The following FADS1 variants were observed in gnomAD, a reference collection of about 807,000 sequenced individuals.
FADS1 encodes acyl-CoA (8-3)-desaturase.
In FADS1, 17 loss-of-function variants were observed where a neutral mutation model predicts 61.6. The observed-to-expected ratio is 0.28, with a 90% CI of 0.19 to 0.41. FADS1 has a LOEUF of 0.41. Ranked by LOEUF, FADS1 falls within the 10% of genes least tolerant of loss-of-function variation. The probability of loss-of-function intolerance (pLI) is 1.00; values close to 1 mark genes in which losing one functional copy is unlikely to be tolerated. For missense variants in FADS1, 387 were observed against 650.9 expected, an observed-to-expected ratio of 0.59 and a Z score of 4.41; for synonymous variants, 238 against 258.7, an observed-to-expected ratio of 0.92 and a Z score of 0.77.
At chr11:61,807,672 G>A (rs188046763) in intron 5 of FADS1, among the ~76,000 whole-genome samples, 1 of 152,318 alleles carries the variant, frequency 6.6e-6, no homozygotes, top group Non-Finnish European at 1.5e-5. Context: ...CAACCAGCCA[G>A]TCTAGAACCC....
At position 61,802,683 on chromosome 11, in the gene FADS1, A is replaced by C; in HGVS notation, c.1454+118T>G. 6.9e-7 allele frequency: 1 copy of C among 1,458,694 alleles called. No homozygotes were observed. The highest frequency in any genetic ancestry group is 9.5e-7 in the Non-Finnish European group (1 of 1,055,604). The allele number at this position is 1,458,694 out of a possible 1,614,324, so 90.4% of individuals were successfully genotyped here. On this transcript the variant is annotated intron_variant, in intron 11 of 11. Transcript: ENST00000350997. This position sits in a 1 kb window ranked among gnomAD's most constrained non-coding sequence, Gnocchi z 4.2. ...AAGAATCCTGCCTTTGCCATGGTGA[A>C]CTCCATCCCACACGACTGGGAACAC... is the stretch of plus-strand genomic sequence containing the variant.
intron 5 of FADS1, 64 bp from the exon 6 acceptor site, chr11:61,806,788 C>A: frequency 6.7e-7 from 1 of 1,497,404 alleles, no homozygotes; most frequent in Non-Finnish European, 9.3e-7. Context: ...GTGACTTGAC[C>A]TTTCCTTGCT....
intron 5 of FADS1, among the ~76,000 whole-genome samples, chr11:61,808,421 G>A (rs571762800): frequency 6.6e-6 from 1 of 152,218 alleles, no homozygotes; most frequent in South Asian, 2.1e-4. Flanking sequence ...GCCTGTTAGT[G>A]AATGCCTGGG....
chr11:61,811,180 G>A lies in FADS1; in HGVS notation c.685-105C>T, dbSNP rs1245813639. 1.0e-5 allele frequency: 8 copies of A among 781,522 alleles called. No individual in the cohort carries two copies. The East Asian group carries it at 2.0e-4, about 20-fold the overall frequency. 48.4% of individuals were successfully genotyped at this position (781,522 alleles called of 1,614,324 possible). On this transcript the variant is annotated intron_variant, in intron 3 of 11. Coordinates refer to ENST00000350997, the MANE Select transcript of FADS1 (RefSeq NM_013402.7). The stretch of plus-strand genomic sequence containing the variant: ...TCTCCCACTTCCTTCATCTGCCAAG[G>A]CCTGTGATGCACCTCAGGAGTCAGG...
Position 61,816,789 on chromosome 11 carries a change from A to T in FADS1, c.141T>A (p.Ala47=). The T allele has an allele frequency of 6.6e-7, 1 of 1,513,210 alleles. No individual in the cohort carries two copies. 93.7% of individuals were successfully genotyped at this position (1,513,210 alleles called of 1,614,324 possible). The change falls in exon 1 of 12, where the codon GCT becomes GCA. Residue 47 remains alanine, a synonymous_variant. Coordinates refer to ENST00000350997, the MANE Select transcript of FADS1 (RefSeq NM_013402.7). This position sits in a 1 kb window ranked among gnomAD's most constrained non-coding sequence, Gnocchi z 7.0. ...GCCTGGCGACGCCGCGCGCCGGGCC[A>T]GCAGGGGCTGTCAGGCGCGTGCTCG... ...RTPSTRLTAP[A]GPARGVARPA...
Position 61,810,806 on chromosome 11 carries a change from G to T in FADS1, c.860C>A (p.Pro287Gln), listed in dbSNP as rs1241231078. ...GAAGAAGGGATGCATGTTGATGTCT[G>T]GGTCTTTGCGGAAGCAGTTGGGCTT... ...HAKPNCFRKD[P>Q]DINMHPFFFA... The change falls in exon 5 of 12, where the codon CCA becomes CAA. Residue 287 changes from proline (P) to glutamine (Q), a missense_variant. This residue lies in a region of FADS1 where 257 missense variants were observed against 533.3 expected (regional missense o/e 0.48). Transcript: ENST00000350997. 6.2e-7 allele frequency: 1 copy of T among 1,614,184 alleles called. No homozygotes were observed. The highest frequency in any genetic ancestry group is 8.5e-7 in the Non-Finnish European group (1 of 1,180,032).
chr11:61,813,347 A>G lies in FADS1; in HGVS notation c.382T>C (p.Phe128Leu). 6.3e-7 allele frequency: 1 copy of G among 1,598,892 alleles called. No homozygotes were observed. Among genetic ancestry groups the G allele is most frequent in the South Asian group, 1.1e-5 (1 of 90,638 alleles). The change falls in exon 2 of 12, where the codon TTT becomes CTT. Residue 128 changes from phenylalanine to leucine, a missense_variant. Coordinates refer to ENST00000350997, the MANE Select transcript of FADS1 (RefSeq NM_013402.7). ...CCCTTGTTGATGTGGAAGGCCACAA[A>G]GGGATCCTGCAAGTGCCGGGAGAAG... ...HYAGQDATDPFVAFHINKGLV... is the reference protein window; with the variant it reads ...HYAGQDATDPLVAFHINKGLV...
Position 61,802,510 on chromosome 11 carries a change from G to T in FADS1, c.1455-48C>A. On this transcript the variant is annotated intron_variant, in intron 11 of 11. Coordinates refer to ENST00000350997, the MANE Select transcript of FADS1 (RefSeq NM_013402.7). This position sits in a 1 kb window ranked among gnomAD's most constrained non-coding sequence, Gnocchi z 4.2. ...GACAGTGAGGGAGACAAGCAGAGTTGAACCCACCGGAGATGGAGCAGTGAG... is the reference window on the plus strand; with the variant it reads ...GACAGTGAGGGAGACAAGCAGAGTTTAACCCACCGGAGATGGAGCAGTGAG... 5 of 1,511,402 alleles carry T rather than the reference G, an allele frequency of 3.3e-6. No individual in the cohort carries two copies. The highest frequency in any genetic ancestry group is 4.5e-6 in the Non-Finnish European group (5 of 1,110,484). The allele number at this position is 1,511,402 out of a possible 1,614,324, so 93.6% of individuals were successfully genotyped here. A position where few individuals can be genotyped will look rare whatever the true frequency, so the allele number is the denominator to read the frequency against.
At position 61,816,060 on chromosome 11, in the gene FADS1, T is replaced by A; in HGVS notation, c.375+495A>T. ...AGCCCCATCCTCGAGAATGGGCTCC[T>A]TTCCTGCTCCCTCTCCGCTCCTGCT... On this transcript the variant is annotated intron_variant, in intron 1 of 11. Coordinates refer to ENST00000350997, the MANE Select transcript of FADS1 (RefSeq NM_013402.7). This position sits in a 1 kb window ranked among gnomAD's most constrained non-coding sequence, Gnocchi z 7.0. The A allele has an allele frequency of 1.7e-6, 1 of 591,328 alleles. No individual in the cohort carries two copies. Among genetic ancestry groups the A allele is most frequent in the Non-Finnish European group, 3.0e-6 (1 of 334,516 alleles). 36.6% of individuals were successfully genotyped at this position (591,328 alleles called of 1,614,324 possible).
intron 3 of FADS1, 55 bp downstream of exon 3, chr11:61,812,416 C>T (rs764538767): frequency 2.7e-4 from 418 of 1,560,230 alleles, no homozygotes; most frequent in Non-Finnish European, 3.6e-4. Context: ...ACCCAAGGAG[C>T]TTTCCCCAGG....
chr11:61,812,121 A>T lies in FADS1; in HGVS notation c.684+350T>A, dbSNP rs190047876. The T allele has an allele frequency of 3.4e-4, 123 of 360,308 alleles. 1 individual carries two copies. Among genetic ancestry groups the T allele is most frequent in the Middle Eastern group, 2.7e-3 (3 of 1,094 alleles). The allele number at this position is 360,308 out of a possible 1,614,324, so 22.3% of individuals were successfully genotyped here. A position where few individuals can be genotyped will look rare whatever the true frequency, so the allele number is the denominator to read the frequency against. On this transcript the variant is annotated intron_variant, in intron 3 of 11. Coordinates refer to ENST00000350997, the MANE Select transcript of FADS1 (RefSeq NM_013402.7). ...GACAGTCAAGAATTAGCGCTCAATCATTATTAACATATTGGGCAATGTCAG... is the reference window on the plus strand; with the variant it reads ...GACAGTCAAGAATTAGCGCTCAATCTTTATTAACATATTGGGCAATGTCAG...
chr11:61,816,207 T>A lies in FADS1; in HGVS notation c.375+348A>T. The A allele has an allele frequency of 6.4e-7, 1 of 1,558,516 alleles. No homozygotes were observed. The highest frequency in any genetic ancestry group is 8.7e-7 in the Non-Finnish European group (1 of 1,154,316). On this transcript the variant is annotated intron_variant, in intron 1 of 11. Transcript: ENST00000350997. This position sits in a 1 kb window ranked among gnomAD's most constrained non-coding sequence, Gnocchi z 7.0. ...CTCCCTCCCCAGGCGGCCTGCATCCTTGCTCTCCTCCCTCCTAGCCTACCC... is the reference window on the plus strand; with the variant it reads ...CTCCCTCCCCAGGCGGCCTGCATCCATGCTCTCCTCCCTCCTAGCCTACCC...
Position 61,806,830 on chromosome 11 carries a change from C to T in FADS1, c.916-106G>A. 3 of 971,526 alleles carry T rather than the reference C, an allele frequency of 3.1e-6. No homozygotes were observed. In the Admixed American group the frequency reaches 5.1e-5, roughly 17 times the overall value. The allele number at this position is 971,526 out of a possible 1,614,324, so 60.2% of individuals were successfully genotyped here. A position where few individuals can be genotyped will look rare whatever the true frequency, so the allele number is the denominator to read the frequency against. ...TTTAGGCCTCCTCCAGGGCTGACAG[C>T]TTGTTGGTGCTATTGGAAAGCTCCA... On this transcript the variant is annotated intron_variant, in intron 5 of 11. Coordinates refer to ENST00000350997, the MANE Select transcript of FADS1 (RefSeq NM_013402.7).
In FADS1 at chr11:61,800,665, G is replaced by C. The variant is rs1332326843; in HGVS notation, c.*1746C>G. ...GTCTGCCATCCCCTCCCAAAACTAAGTGGAGGCTCTGTCTTTTCCTCCTAG... is the reference window on the plus strand; with the variant it reads ...GTCTGCCATCCCCTCCCAAAACTAACTGGAGGCTCTGTCTTTTCCTCCTAG... On this transcript the variant is annotated 3_prime_UTR_variant, in exon 12 of 12. Coordinates refer to ENST00000350997, the MANE Select transcript of FADS1 (RefSeq NM_013402.7). 1 of 152,444 alleles carries C rather than the reference G, an allele frequency of 6.6e-6. No homozygotes were observed. Among genetic ancestry groups the C allele is most frequent in the Non-Finnish European group, 1.5e-5 (1 of 68,056 alleles). The allele number at this position is 152,444 out of a possible 1,614,324, so 9.4% of individuals were successfully genotyped here. A position where few individuals can be genotyped will look rare whatever the true frequency, so the allele number is the denominator to read the frequency against.
At chr11:61,814,008 C>G (rs1055552534) in intron 1 of FADS1, 1 of 153,420 alleles carries the variant, frequency 6.5e-6, no homozygotes, top group Non-Finnish European at 1.4e-5. Flanking sequence ...CCTCACACCC[C>G]CCAACGTCCA....
Position 61,815,203 on chromosome 11 carries a change from C to CAT in FADS1, c.375+1350_375+1351dup, listed in dbSNP as rs1372050947. 6.0e-6 allele frequency: 1 copy of CAT among 165,438 alleles called. No homozygotes were observed. The highest frequency in any genetic ancestry group is 1.9e-4 in the East Asian group (1 of 5,244). The allele number at this position is 165,438 out of a possible 1,614,324, so 10.2% of individuals were successfully genotyped here. On this transcript the variant is annotated intron_variant, in intron 1 of 11. Coordinates refer to ENST00000350997, the MANE Select transcript of FADS1 (RefSeq NM_013402.7). This position sits in a 1 kb window ranked among gnomAD's most constrained non-coding sequence, Gnocchi z 6.4. The stretch of plus-strand genomic sequence containing the variant: ...GGAGCCGGCGGCCGGTGGCACCACA[C>CAT]ATACGGACCAATCGCCGTCCCCGCC...
chr11:61,810,043 A>T (rs1026874153), intron 5 of FADS1, among the ~76,000 whole-genome samples: 2 of 152,262 alleles, frequency 1.3e-5, no homozygotes, highest in Admixed American at 6.5e-5. Context: ...TGCAGCCTAC[A>T]GCCTTGGGAC....
chr11:61,811,205 G>A, intron 3 of FADS1, 130 bp from the exon 4 acceptor site: 1 of 662,374 alleles, frequency 1.5e-6, no homozygotes, highest in Non-Finnish European at 2.6e-6. Flanking sequence ...CAGGAGTCAG[G>A]AAACATGGGT....
rs1168831250 is a variant in FADS1 at position 61,803,594 on chromosome 11, G to A, written c.1151+76C>T. The A allele has an allele frequency of 4.3e-6, 6 of 1,403,990 alleles. No homozygotes were observed. Among genetic ancestry groups the A allele is most frequent in the Non-Finnish European group, 6.1e-6 (6 of 989,112 alleles). The allele number at this position is 1,403,990 out of a possible 1,614,324, so 87.0% of individuals were successfully genotyped here. ...ACACCCACTGTTACCCAAAGCCCCA[G>A]CACGGCCCCTAGACCAGACTGGTCA... On this transcript the variant is annotated intron_variant, in intron 8 of 11. Coordinates refer to ENST00000350997, the MANE Select transcript of FADS1 (RefSeq NM_013402.7). This position sits in a 1 kb window ranked among gnomAD's most constrained non-coding sequence, Gnocchi z 4.3.
Sources: gnomAD v4.1 joint callset for allele counts (sites outside exome capture counted in the v4.1 genomes callset) on GRCh38, gnomAD v4.1.1 for gene constraint, gnomAD v4.1.1 regional missense constraint, Gnocchi (gnomAD v3.1) non-coding constraint, MANE v1.5 for transcripts, NCBI Gene and HGNC (gene_info 2026-07-23, HGNC 2026-07-21) for gene names.